Variants in TOGARAM2 observed in about 807,000 individuals in gnomAD.
The protein encoded by TOGARAM2 is TOG array regulator of axonemal microtubules 2, also known as TOG array regulator of axonemal microtubules protein 2.
TOGARAM2 carries 85 observed loss-of-function variants against 93.3 expected under a neutral mutation model. The observed-to-expected ratio is 0.91, with a 90% CI of 0.76 to 1.09. The LOEUF (loss-of-function observed/expected upper bound fraction) is 1.09. Among genes scored for constraint, TOGARAM2 ranks in the 50% least tolerant of loss-of-function variants. The pLI, the probability that TOGARAM2 is intolerant of heterozygous loss-of-function variation, is 0.00. For synonymous variants in TOGARAM2, 593 were observed against 552.8 expected, an observed-to-expected ratio of 1.07 and a Z score of -1.02; for missense variants, 1,277 against 1,334.5, an observed-to-expected ratio of 0.96 and a Z score of 0.67.
intron 4 of TOGARAM2, 68 bp downstream of exon 4, chr2:28,999,536 C>A: frequency 6.8e-7 from 1 of 1,481,384 alleles, no homozygotes; most frequent in Non-Finnish European, 9.0e-7. Context: ...GCCTCCAGGG[C>A]TGTGAGGGTC....
intron 19 of TOGARAM2, chr2:29,046,760 C>T (rs978012833): frequency 6.6e-6 from 1 of 152,474 alleles, no homozygotes; most frequent in Non-Finnish European, 1.5e-5. Flanking sequence ...GGCTGAAGGG[C>T]CAAGACCCCA....
chr2:28,980,560 G>C (rs114570389), upstream of TOGARAM2, among the ~76,000 whole-genome samples: 3 of 152,210 alleles, frequency 2.0e-5, no homozygotes, highest in Admixed American at 2.0e-4. Context: ...GCTAGAAGGG[G>C]GTAGCATGAG....
At chr2:28,988,976 T>C (rs1202462754) in intron 1 of TOGARAM2, among the ~76,000 whole-genome samples, 1 of 152,240 alleles carries the variant, frequency 6.6e-6, no homozygotes, top group African/African-American at 2.4e-5. Flanking sequence ...TCTCCCCTTC[T>C]CTACCCATCT....
At chr2:29,050,538 G>A (rs1227982053) in intron 19 of TOGARAM2, 6 of 152,140 alleles carry the variant, frequency 3.9e-5, no homozygotes, top group South Asian at 2.1e-4. Context: ...TCTGGAAAAC[G>A]GACAAGCATC....
chr2:29,036,038 C>T (rs1212083491), intron 17 of TOGARAM2, among the ~76,000 whole-genome samples: 1 of 151,850 alleles, frequency 6.6e-6, no homozygotes, highest in Non-Finnish European at 1.5e-5. Context: ...AGGTACAAGC[C>T]CTTCATAGGC....
At chr2:29,031,945 T>C (rs949493019) in intron 14 of TOGARAM2, among the ~76,000 whole-genome samples, 2 of 152,206 alleles carry the variant, frequency 1.3e-5, no homozygotes, top group African/African-American at 2.4e-5. Context: ...AGCTACCAAA[T>C]CCTGTGGTTT....
At position 29,036,709 on chromosome 2, in the gene TOGARAM2, A is replaced by T. The variant is rs746937075; in HGVS notation, c.2587A>T (p.Ile863Phe). 2.4e-5 allele frequency: 39 copies of T among 1,613,764 alleles called. No individual in the cohort carries two copies. The highest frequency in any genetic ancestry group is 3.3e-5 in the Non-Finnish European group (39 of 1,179,874). Residue 863 changes from isoleucine to phenylalanine, a missense_variant, in exon 18 of 20, where the codon ATT becomes TTT. By Grantham distance (21) the Ile-to-Phe change is conservative. Transcript: ENST00000379558. ...ADNLNSKNSG[I>F]YAAAVAVLDA... ...CAACCTCAACTCCAAGAACTCAGGG[A>T]TTTACGCTGCTGCCGTGGCTGTGCT...
At chr2:29,022,411 C>A in intron 11 of TOGARAM2, 103 bp downstream of exon 11, 1 of 1,493,494 alleles carries the variant, frequency 6.7e-7, no homozygotes, top group Non-Finnish European at 9.0e-7. Context: ...CTCTGGGGTT[C>A]CAGCACCATG....
rs191521362 is a variant in TOGARAM2, at chr2:28,986,508, G to A, written c.-111+4970G>A. ...TGTCCTGGGAGGTCATTAGATTCAGGTGTGAACTGCCTCCTGAACAGACTG... is the reference window on the plus strand; with the variant it reads ...TGTCCTGGGAGGTCATTAGATTCAGATGTGAACTGCCTCCTGAACAGACTG... On this transcript the variant is annotated intron_variant, in intron 1 of 19. Coordinates refer to ENST00000379558, the MANE Select transcript of TOGARAM2 (RefSeq NM_199280.4). Among the ~76,000 whole-genome samples, 8 of 152,294 alleles carry A rather than the reference G, an allele frequency of 5.3e-5. No homozygotes were observed. The East Asian group carries it at 1.5e-3, about 29-fold the overall frequency.
chr2:28,966,692 C>T (rs1671872958), intron 1 of TOGARAM2, among the ~76,000 whole-genome samples: 1 of 152,194 alleles, frequency 6.6e-6, no homozygotes, highest in African/African-American at 2.4e-5. Context: ...CCACAATTCC[C>T]TGCATCCCAA....
Position 28,998,374 on chromosome 2 carries a change from C to T in TOGARAM2, c.139+121C>T, listed in dbSNP as rs2148277895. ...GCAGGTGTTATTTTTCCTGTGGCTC[C>T]TGCTGAAAATACCCTTTGATTCTTT... is the stretch of plus-strand genomic sequence containing the variant. On this transcript the variant is annotated intron_variant, in intron 3 of 19. Coordinates refer to ENST00000379558, the MANE Select transcript of TOGARAM2 (RefSeq NM_199280.4). 5 of 659,734 alleles carry T rather than the reference C, an allele frequency of 7.6e-6. No homozygotes were observed. The East Asian group carries it at 1.4e-4, about 19-fold the overall frequency. The allele number at this position is 659,734 out of a possible 1,614,324, so 40.9% of individuals were successfully genotyped here.
chr2:29,045,162 A>C (rs2148396369), intron 18 of TOGARAM2, among the ~76,000 whole-genome samples, 162 bp from the exon 19 acceptor site: 1 of 152,362 alleles, frequency 6.6e-6, no homozygotes, highest in Middle Eastern at 3.4e-3. Context: ...CACGCTACAT[A>C]CATTCACTTT....
At chr2:29,024,900 C>A (rs1665245667) in intron 13 of TOGARAM2, among the ~76,000 whole-genome samples, 1 of 152,338 alleles carries the variant, frequency 6.6e-6, no homozygotes, top group South Asian at 2.1e-4. Flanking sequence ...GCTTGCCCCA[C>A]TGGACCTGCT....
In TOGARAM2 at chr2:29,024,228, G is replaced by A. The variant is rs1572734734; in HGVS notation, c.1707G>A (p.Glu569=). The A allele has an allele frequency of 6.2e-7, 1 of 1,609,754 alleles. No homozygotes were observed. The highest frequency in any genetic ancestry group is 8.5e-7 in the Non-Finnish European group (1 of 1,177,992). Residue 569 remains glutamate (E), a synonymous_variant, in exon 13 of 20, where the codon GAG becomes GAA. Coordinates refer to ENST00000379558, the MANE Select transcript of TOGARAM2 (RefSeq NM_199280.4). ...CCTTGAAGAAGAATATGGACCAGGA[G>A]GCCGAGGAGATCGCCCGCTGCTTGC... The part of the protein sequence containing the change: ...FQALKKNMDQ[E]AEEIARCLLQ...
At chr2:29,009,307 G>A (rs977343948) in intron 6 of TOGARAM2, among the ~76,000 whole-genome samples, 2 of 152,210 alleles carry the variant, frequency 1.3e-5, no homozygotes, top group Non-Finnish European at 1.5e-5. Context: ...GGGCCTGTGT[G>A]CCAACTGAGA....
Position 28,990,751 on chromosome 2 carries a change from A to G in TOGARAM2, c.-110-3974A>G, listed in dbSNP as rs553688247. On this transcript the variant is annotated intron_variant, in intron 1 of 19. Transcript: ENST00000379558. ...CTGTCGGGCGTGACAGTGAACGTTC[A>G]CCTTCTCTGCTTGGCATTACAGACA... is the stretch of plus-strand genomic sequence containing the variant. 3.6e-4 allele frequency among the ~76,000 whole-genome samples: 55 copies of G among 151,720 alleles called. 2 individuals carry two copies. In the South Asian group the frequency reaches 0.011, roughly 32 times the overall value.
intron 1 of TOGARAM2, among the ~76,000 whole-genome samples, chr2:28,993,181 A>G (rs1455519191): frequency 3.9e-5 from 6 of 152,174 alleles, no homozygotes. Flanking sequence ...ATTGGTTTCC[A>G]GGCTATTGTA....
chr2:28,973,329 T>TGCTTA (rs1177514533), intron 1 of TOGARAM2, among the ~76,000 whole-genome samples: 1 of 148,656 alleles, frequency 6.7e-6, no homozygotes, highest in African/African-American at 2.5e-5. Context: ...TGAAGAACTT[T>TGCTTA]GCTTAGCCCC....
intron 1 of TOGARAM2, among the ~76,000 whole-genome samples, chr2:28,983,200 T>TATATATATA (rs1558400424): frequency 7.5e-4 from 16 of 21,262 alleles, no homozygotes; most frequent in African/African-American, 2.7e-3. Flanking sequence ...ATATATATAT[T>TATATATATA]TTTTTTTTTT....
Sources: allele counts gnomAD v4.1 joint callset (sites outside exome capture counted in the v4.1 genomes callset), GRCh38; gene constraint gnomAD v4.1.1; transcripts MANE v1.5; gene names NCBI Gene and HGNC (gene_info 2026-07-23, HGNC 2026-07-21).